The following CYGB variants were observed in gnomAD, a reference collection of about 807,000 sequenced individuals.
CYGB encodes histoglobin.
CYGB carries 13 observed loss-of-function variants against 20.7 expected under a neutral mutation model. The ratio of observed to expected loss-of-function variants is 0.63; its 90% CI spans 0.41 to 1.00. The LOEUF (loss-of-function observed/expected upper bound fraction) is 1.00, where lower values mean the gene tolerates loss of function less well. Ranked by LOEUF, CYGB falls within the 50% of genes least tolerant of loss-of-function variation. The probability of loss-of-function intolerance (pLI) is 0.00; values close to 1 mark genes in which losing one functional copy is unlikely to be tolerated. For missense variants in CYGB, 218 were observed against 257.2 expected (o/e 0.85, Z 1.04); for synonymous variants, 93 against 107.4 (o/e 0.87, Z 0.83).
intron 1 of CYGB, among the ~76,000 whole-genome samples, chr17:76,535,459 CAGG>C (rs1259881811): frequency 6.6e-6 from 1 of 152,074 alleles, no homozygotes; most frequent in Non-Finnish European, 1.5e-5. Flanking sequence ...TGGACAGAGA[CAGG>C]AGGAGAGAAA....
At position 76,530,941 on chromosome 17, in the gene CYGB, G is replaced by A. The variant is rs776297436; in HGVS notation, c.539+38C>T. On this transcript the variant is annotated intron_variant, in intron 3 of 3. Coordinates refer to ENST00000293230, the MANE Select transcript of CYGB (RefSeq NM_134268.5). The surrounding 1 kb of genome is among the most constrained non-coding windows in gnomAD (Gnocchi z 6.1). The stretch of plus-strand genomic sequence containing the variant: ...CCTCGGGGACAGCAGAGGACATGGC[G>A]GGGAGGCTGCCCAGCCCACCCTCGC... 27 of 1,534,444 alleles carry A rather than the reference G, an allele frequency of 1.8e-5. No homozygotes were observed. Among genetic ancestry groups the A allele is most frequent in the East Asian group, 4.9e-5 (2 of 41,092 alleles).
At chr17:76,540,119 G>A (rs1319873663), upstream of CYGB, 12 of 1,592,864 alleles carry the variant, frequency 7.5e-6, no homozygotes, top group Non-Finnish European at 1.0e-5. The surrounding 1 kb of genome is among the most constrained non-coding windows in gnomAD (Gnocchi z 5.0). Context: ...ACTTGGCCTG[G>A]GAGGGGATGG....
At chr17:76,529,440 TAGGGCAGGGTGGGG>T (rs2074807569) in intron 3 of CYGB, 1 of 985,312 alleles carries the variant, frequency 1.0e-6, no homozygotes, top group South Asian at 4.7e-5. Context: ...TCTTAGTCCC[TAGGGCAGGGTGGGG>T]AGGGCAGGAC....
intron 3 of CYGB, chr17:76,529,006 G>A (rs1454088071): frequency 2.0e-6 from 2 of 996,708 alleles, no homozygotes; most frequent in East Asian, 1.0e-4. Context: ...CTGTATTCTC[G>A]TATTCTCGGT....
chr17:76,530,107 T>C lies in CYGB; in HGVS notation c.539+872A>G. ...CTTTTCCATGGGAAACTGCTGGGAA[T>C]GTTTCTCTACCACGGGAATGTTTCT... On this transcript the variant is annotated intron_variant, in intron 3 of 3. Transcript: ENST00000293230. This position sits in a 1 kb window ranked among gnomAD's most constrained non-coding sequence, Gnocchi z 6.1. 2 of 983,072 alleles carry C rather than the reference T, an allele frequency of 2.0e-6. No homozygotes were observed. The highest frequency in any genetic ancestry group is 2.4e-6 in the Non-Finnish European group (2 of 829,342). 60.9% of individuals were successfully genotyped at this position (983,072 alleles called of 1,614,324 possible).
chr17:76,540,229 C>T (rs200645008), upstream of CYGB: 1,171 of 780,142 alleles, frequency 1.5e-3, 10 homozygotes, highest in African/African-American at 0.024. This position sits in a 1 kb window ranked among gnomAD's most constrained non-coding sequence, Gnocchi z 5.0. Context: ...AGAAACTGAC[C>T]GGGCTATGGC....
In CYGB at chr17:76,548,105, A is replaced by G. The variant is rs544437084; in HGVS notation, c.-53+2757T>C. Among the ~76,000 whole-genome samples, 14 of 151,958 alleles carry G rather than the reference A, an allele frequency of 9.2e-5. No individual in the cohort carries two copies. In the East Asian group the frequency reaches 1.4e-3, roughly 15 times the overall value. On this transcript the variant is annotated intron_variant, in intron 1 of 3. Coordinates refer to the CYGB transcript ENST00000589145. ...ACACAAATAAAACAGACACACAGAA[A>G]CACACACACATAATCACAGATACAC...
intron 1 of CYGB, chr17:76,550,857 C>T (rs752049): frequency 0.23 from 34,944 of 152,158 alleles, 4,174 homozygotes; most frequent in South Asian, 0.38. Flanking sequence ...TTATCAAGTG[C>T]TTACCTTGCG....
chr17:76,540,010 C>G, upstream of CYGB: 1 of 932,264 alleles, frequency 1.1e-6, no homozygotes, highest in Non-Finnish European at 1.7e-6. The surrounding 1 kb of genome is among the most constrained non-coding windows in gnomAD (Gnocchi z 5.0). Flanking sequence ...TCAGCTTGAG[C>G]CTCCTAATCC....
intron 1 of CYGB, among the ~76,000 whole-genome samples, chr17:76,536,911 C>G (rs1190370944): frequency 6.6e-6 from 1 of 152,216 alleles, no homozygotes; most frequent in Non-Finnish European, 1.5e-5. Flanking sequence ...CTTTCTCAAC[C>G]TCTGCTCTTT....
chr17:76,528,730 G>T lies in CYGB; in HGVS notation c.540-119C>A. 1.8e-6 allele frequency: 2 copies of T among 1,094,540 alleles called. No homozygotes were observed. 67.8% of individuals were successfully genotyped at this position (1,094,540 alleles called of 1,614,324 possible). On this transcript the variant is annotated intron_variant, in intron 3 of 3. Coordinates refer to ENST00000293230, the MANE Select transcript of CYGB (RefSeq NM_134268.5). The surrounding 1 kb of genome is among the most constrained non-coding windows in gnomAD (Gnocchi z 5.8). ...ACTTCCTGCCAAGAGATCCGGCACAGTGCAGTTGAAAGCAACCGTGAGACC... is the reference window on the plus strand; with the variant it reads ...ACTTCCTGCCAAGAGATCCGGCACATTGCAGTTGAAAGCAACCGTGAGACC...
At chr17:76,532,530 CTTT>C (rs111936272) in intron 1 of CYGB, among the ~76,000 whole-genome samples, 4 of 125,700 alleles carry the variant, frequency 3.2e-5, no homozygotes, top group Admixed American at 8.2e-5. Flanking sequence ...ATGACAATGG[CTTT>C]TTTTTTTTTT....
Position 76,529,991 on chromosome 17 carries a change from G to A in CYGB, c.539+988C>T, listed in dbSNP as rs1478882476. 4.1e-6 allele frequency: 4 copies of A among 985,270 alleles called. No homozygotes were observed. In the African/African-American group the frequency reaches 5.2e-5, roughly 13 times the overall value. 61.0% of individuals were successfully genotyped at this position (985,270 alleles called of 1,614,324 possible). Reference sequence around the variant, plus strand: ...GGCAGGAGGCCTGGCGTCCCCAGCTGCCCTCAGGGGACCTCCTCCAGGAGC... The same window carrying A: ...GGCAGGAGGCCTGGCGTCCCCAGCTACCCTCAGGGGACCTCCTCCAGGAGC... On this transcript the variant is annotated intron_variant, in intron 3 of 3. Coordinates refer to ENST00000293230, the MANE Select transcript of CYGB (RefSeq NM_134268.5).
rs540079950 is a variant in CYGB, at chr17:76,531,772, G to A, written c.144-81C>T. ...TGAAGCTTCCAGGATAGTGGGGGCT[G>A]AAGAAGTGGACCGCAGTGCTCCCCA... is the stretch of plus-strand genomic sequence containing the variant. On this transcript the variant is annotated intron_variant, in intron 1 of 3. Transcript: ENST00000293230. The surrounding 1 kb of genome is among the most constrained non-coding windows in gnomAD (Gnocchi z 7.4). 297 of 1,191,672 alleles carry A rather than the reference G, an allele frequency of 2.5e-4. 3 individuals carry two copies. The East Asian group carries it at 4.4e-3, about 18-fold the overall frequency. 73.8% of individuals were successfully genotyped at this position (1,191,672 alleles called of 1,614,324 possible).
chr17:76,537,028 T>G (rs2074922793), intron 1 of CYGB, among the ~76,000 whole-genome samples: 2 of 152,292 alleles, frequency 1.3e-5, no homozygotes, highest in African/African-American at 4.8e-5. Flanking sequence ...TTTTCCCATC[T>G]CTAAAATGGG....
In CYGB at chr17:76,529,899, G is replaced by A. The variant is rs1022246696; in HGVS notation, c.539+1080C>T. On this transcript the variant is annotated intron_variant, in intron 3 of 3. Coordinates refer to ENST00000293230, the MANE Select transcript of CYGB (RefSeq NM_134268.5). Reference sequence around the variant, plus strand: ...CCGAGGACTCCACTCTCTTGGGGTGGTGCTGACGGGAGAGGGGGGAGGGGA... The same window carrying A: ...CCGAGGACTCCACTCTCTTGGGGTGATGCTGACGGGAGAGGGGGGAGGGGA... 7 of 985,152 alleles carry A rather than the reference G, an allele frequency of 7.1e-6. No homozygotes were observed. In the South Asian group the frequency reaches 2.3e-4, roughly 33 times the overall value. 61.0% of individuals were successfully genotyped at this position (985,152 alleles called of 1,614,324 possible).
At chr17:76,543,879 C>G (rs1197030102) in intron 1 of CYGB, 1 of 471,114 alleles carries the variant, frequency 2.1e-6, no homozygotes, top group Admixed American at 2.3e-5. Context: ...TGTGACATGT[C>G]TGCCTGCAGC....
chr17:76,528,878 G>A lies in CYGB; in HGVS notation c.540-267C>T. On this transcript the variant is annotated intron_variant, in intron 3 of 3. Transcript: ENST00000293230. The surrounding 1 kb of genome is among the most constrained non-coding windows in gnomAD (Gnocchi z 5.8). Reference sequence around the variant, plus strand: ...TAATGTCTGTCTTGTGACATAAACTGGGTAAAAAAGTGTTTCACAAACTGC... The same window carrying A: ...TAATGTCTGTCTTGTGACATAAACTAGGTAAAAAAGTGTTTCACAAACTGC... 1 of 1,215,386 alleles carries A rather than the reference G, an allele frequency of 8.2e-7. No homozygotes were observed. Among genetic ancestry groups the A allele is most frequent in the East Asian group, 3.3e-5 (1 of 30,648 alleles). The allele number at this position is 1,215,386 out of a possible 1,614,324, so 75.3% of individuals were successfully genotyped here. A position where few individuals can be genotyped will look rare whatever the true frequency, so the allele number is the denominator to read the frequency against.
At chr17:76,537,884 A>G (rs1356399977), upstream of CYGB, 1 of 149,946 alleles carries the variant, frequency 6.7e-6, no homozygotes, top group Admixed American at 6.6e-5. Context: ...GGTGGGGGCG[A>G]CGCGACTGCC....
Sources: gnomAD v4.1 joint callset for allele counts (sites outside exome capture counted in the v4.1 genomes callset) on GRCh38, gnomAD v4.1.1 for gene constraint, Gnocchi (gnomAD v3.1) non-coding constraint, MANE v1.5 for transcripts, NCBI Gene and HGNC (gene_info 2026-07-23, HGNC 2026-07-21) for gene names.